RNF2: variants seen among roughly 807,000 people sequenced by gnomAD.
RNF2 encodes E3 ubiquitin-protein ligase RING2.
RNF2 carries 6 observed loss-of-function variants against 37.2 expected under a neutral mutation model. The ratio of observed to expected loss-of-function variants is 0.16; its 90% CI spans 0.09 to 0.32. RNF2 has a LOEUF of 0.32. RNF2 is among the 10% of genes least tolerant of loss of function. RNF2 has a pLI of 1.00. For synonymous variants in RNF2, 133 were observed against 132.7 expected (o/e 1.00, Z -0.02); for missense variants, 251 against 404.0 (o/e 0.62, Z 3.25).
In RNF2 at chr1:185,095,241, T is replaced by C. The variant is rs151264186; in HGVS notation, c.464+1965T>C. Among the ~76,000 whole-genome samples the C allele has an allele frequency of 4.5e-3, 692 of 152,366 alleles. 7 individuals carry two copies. Among genetic ancestry groups the C allele is most frequent in the African/African-American group, 0.016 (676 of 41,588 alleles). On this transcript the variant is annotated intron_variant, in intron 4 of 6. Transcript: ENST00000367510. The stretch of plus-strand genomic sequence containing the variant: ...GCAAGACTCTCCTTGTAAATATTCT[T>C]TTGGTTTTGCTTGTACATTTCTAGT...
intron 1 of RNF2, among the ~76,000 whole-genome samples, chr1:185,075,756 C>G (rs1025212785): frequency 6.6e-6 from 1 of 152,214 alleles, no homozygotes; most frequent in Non-Finnish European, 1.5e-5. Context: ...GAAATCCACT[C>G]CCATGATCCA....
rs1652051210 is a variant in RNF2, at chr1:185,100,591, G to T, written c.*290G>T. 4.6e-6 allele frequency: 1 copy of T among 218,098 alleles called. No homozygotes were observed. 13.5% of individuals were successfully genotyped at this position (218,098 alleles called of 1,614,324 possible). ...GTGTTTCCACTTGGAGCACCATTTT[G>T]ACCCAGGAATTTTTCATAGTTTCTG... On this transcript the variant is annotated 3_prime_UTR_variant, in exon 7 of 7. Transcript: ENST00000367510.
In RNF2 at chr1:185,099,777, A is replaced by C; in HGVS notation, c.738-14A>C. On this transcript the variant is annotated splice_polypyrimidine_tract_variant and intron_variant, in intron 5 of 6. Coordinates refer to ENST00000367510, the MANE Select transcript of RNF2 (RefSeq NM_007212.4). ...TATTCTAGAAATGAAATTTTTAATGATTTATTCTTCTAGATACATAAAGAC... is the reference window on the plus strand; with the variant it reads ...TATTCTAGAAATGAAATTTTTAATGCTTTATTCTTCTAGATACATAAAGAC... 6 of 1,599,006 alleles carry C rather than the reference A, an allele frequency of 3.8e-6. No homozygotes were observed. The highest frequency in any genetic ancestry group is 5.1e-6 in the Non-Finnish European group (6 of 1,174,190).
At chr1:185,080,556 T>C (rs1271830336) in intron 1 of RNF2, among the ~76,000 whole-genome samples, 1 of 152,338 alleles carries the variant, frequency 6.6e-6, no homozygotes, top group East Asian at 1.9e-4. Flanking sequence ...TCAACTGCTG[T>C]ACTATCTGGT....
chr1:185,087,736 T>A (rs1221249187), intron 2 of RNF2, 96 bp downstream of exon 2: 12 of 867,088 alleles, frequency 1.4e-5, no homozygotes, highest in Non-Finnish European at 7.5e-6. Flanking sequence ...AGAGTAATAA[T>A]AAATTTATAT....
At chr1:185,082,365 T>TTTTTTTTTTTG (rs1165602889) in intron 1 of RNF2, among the ~76,000 whole-genome samples, 6 of 109,758 alleles carry the variant, frequency 5.5e-5, no homozygotes, top group Admixed American at 1.9e-4. Flanking sequence ...TTTTTTTTTT[T>TTTTTTTTTTTG]TTGAAGACAG....
rs1346134301 is a variant in RNF2, at chr1:185,052,042, C to G, written c.-3+6393C>G. 4.6e-5 allele frequency among the ~76,000 whole-genome samples: 7 copies of G among 151,876 alleles called. No individual in the cohort carries two copies. In the East Asian group the frequency reaches 1.4e-3, roughly 29 times the overall value. ...TTACCCAGGAAAGTTTCAGTGTTAG[C>G]CTTCCCTGCCAATCCTCTTCCCTCA... On this transcript the variant is annotated intron_variant, in intron 1 of 6. Transcript: ENST00000367510.
Position 185,066,360 on chromosome 1 carries a change from G to C in RNF2, c.-3+20711G>C, listed in dbSNP as rs573465950. ...ACTTGGAGTTTCCCAGACATGCCAT[G>C]CTGAGTGTACCTTTCCTTATTATGT... On this transcript the variant is annotated intron_variant, in intron 1 of 6. Transcript: ENST00000367510. 3.7e-4 allele frequency among the ~76,000 whole-genome samples: 56 copies of C among 152,282 alleles called. No individual in the cohort carries two copies. The Middle Eastern group carries it at 0.014, about 37-fold the overall frequency.
At chr1:185,049,581 C>T (rs1480755427) in intron 1 of RNF2, among the ~76,000 whole-genome samples, 1 of 149,986 alleles carries the variant, frequency 6.7e-6, no homozygotes, top group Non-Finnish European at 1.5e-5. Context: ...TATTGTTTTA[C>T]AATGTGCTAG....
chr1:185,081,870 G>A (rs1463048542), intron 1 of RNF2, among the ~76,000 whole-genome samples: 1 of 152,158 alleles, frequency 6.6e-6, no homozygotes, highest in Non-Finnish European at 1.5e-5. Context: ...GTTTTGCTGG[G>A]ATTCAGAAAA....
chr1:185,093,328 T>G (rs564481409), intron 4 of RNF2, 52 bp downstream of exon 4: 2 of 1,518,152 alleles, frequency 1.3e-6, no homozygotes, highest in African/African-American at 1.4e-5. Flanking sequence ...AATACTTTAT[T>G]AACAATTAAA....
intron 1 of RNF2, among the ~76,000 whole-genome samples, chr1:185,072,282 A>G (rs1651001078): frequency 6.6e-6 from 1 of 152,032 alleles, no homozygotes; most frequent in Admixed American, 6.6e-5. Context: ...GAAAATGTGA[A>G]ATGTTGAGGT....
At chr1:185,047,981 G>A (rs765528629) in intron 1 of RNF2, among the ~76,000 whole-genome samples, 1 of 152,130 alleles carries the variant, frequency 6.6e-6, no homozygotes, top group Non-Finnish European at 1.5e-5. Context: ...ATAATTTGGG[G>A]TACAAAGGTA....
chr1:185,087,589 A>G lies in RNF2; in HGVS notation c.36A>G (p.Pro12=), dbSNP rs771612763. 55 of 1,614,040 alleles carry G rather than the reference A, an allele frequency of 3.4e-5. No individual in the cohort carries two copies. The highest frequency in any genetic ancestry group is 4.2e-5 in the Non-Finnish European group (49 of 1,180,010). ...CTGTGCAGACAAACGGAACTCAACC[A>G]TTAAGCAAAACATGGGAACTCAGTT... The part of the protein sequence containing the change: ...SQAVQTNGTQ[P]LSKTWELSLY... The change falls in exon 2 of 7, where the codon CCA becomes CCG. Residue 12 remains proline, a synonymous_variant. Transcript: ENST00000367510.
chr1:185,046,415 G>A (rs1038690553), intron 1 of RNF2: 1 of 152,146 alleles, frequency 6.6e-6, no homozygotes, highest in Non-Finnish European at 1.5e-5. Context: ...TTTGCCGGGA[G>A]CCCACGTCCT....
chr1:185,100,340 G>T lies in RNF2; in HGVS notation c.*39G>T. On this transcript the variant is annotated 3_prime_UTR_variant, in exon 7 of 7. Transcript: ENST00000367510. ...AATTCTGAGACTGAACTTTTTTATAGCCTATTTCTTTAATATTAAAGATGT... is the reference window on the plus strand; with the variant it reads ...AATTCTGAGACTGAACTTTTTTATATCCTATTTCTTTAATATTAAAGATGT... 1 of 1,344,724 alleles carries T rather than the reference G, an allele frequency of 7.4e-7. No individual in the cohort carries two copies. The highest frequency in any genetic ancestry group is 1.5e-5 in the African/African-American group (1 of 68,220). 83.3% of individuals were successfully genotyped at this position (1,344,724 alleles called of 1,614,324 possible).
chr1:185,073,818 A>G (rs1202974588), intron 1 of RNF2, among the ~76,000 whole-genome samples: 1 of 152,208 alleles, frequency 6.6e-6, no homozygotes, highest in Non-Finnish European at 1.5e-5. Flanking sequence ...GTTTTTTGCT[A>G]CACTAACAAT....
intron 4 of RNF2, among the ~76,000 whole-genome samples, chr1:185,097,726 A>G (rs1181785442): frequency 6.6e-6 from 1 of 152,184 alleles, no homozygotes; most frequent in African/African-American, 2.4e-5. Flanking sequence ...TGGTAGAGAC[A>G]GGGTCTCACT....
chr1:185,064,568 T>G (rs1318564195), intron 1 of RNF2, among the ~76,000 whole-genome samples: 1 of 152,256 alleles, frequency 6.6e-6, no homozygotes, highest in Non-Finnish European at 1.5e-5. Context: ...GAAAACACTT[T>G]AAGCTTATAT....
Sources: gnomAD v4.1 joint callset for allele counts (sites outside exome capture counted in the v4.1 genomes callset) on GRCh38, gnomAD v4.1.1 for gene constraint, MANE v1.5 for transcripts, NCBI Gene and HGNC (gene_info 2026-07-23, HGNC 2026-07-21) for gene names.